VWA8: variants seen among roughly 807,000 people sequenced by gnomAD.
VWA8 encodes the protein von Willebrand factor A domain containing 8.
A neutral mutation model predicts 241.5 loss-of-function variants in VWA8; 221 were observed. The observed-to-expected ratio is 0.91, with a 90% CI of 0.82 to 1.02. VWA8 has a LOEUF of 1.02. Ranked by LOEUF, VWA8 falls within the 50% of genes least tolerant of loss-of-function variation. The pLI is 0.00. For missense variants in VWA8, 2,322 were observed against 2,328.7 expected (o/e 1.00, Z 0.06); for synonymous variants, 852 against 827.1 (o/e 1.03, Z -0.52).
At chr13:41,851,768 T>G (rs2138030419) in intron 12 of VWA8, among the ~76,000 whole-genome samples, 1 of 152,322 alleles carries the variant, frequency 6.6e-6, no homozygotes, top group East Asian at 1.9e-4. Context: ...CAGACGGGAT[T>G]TTCTGCTTTT....
intron 5 of VWA8, among the ~76,000 whole-genome samples, chr13:41,890,632 C>T (rs1416372652): frequency 1.3e-5 from 2 of 152,178 alleles, no homozygotes; most frequent in Non-Finnish European, 2.9e-5. Flanking sequence ...CTACCATGTG[C>T]CAGCCATTGA....
rs373771755 is a variant in VWA8, at chr13:41,838,740, T to C, written c.1426-5209A>G. Among the ~76,000 whole-genome samples, 4 of 151,886 alleles carry C rather than the reference T, an allele frequency of 2.6e-5. No individual in the cohort carries two copies. In the East Asian group the frequency reaches 7.7e-4, roughly 29 times the overall value. ...TAATATCCAACATAAAGAGTGACAC[T>C]AAAAAAAAGTTACAGGTGTTCCTGT... On this transcript the variant is annotated intron_variant, in intron 12 of 44. Coordinates refer to ENST00000379310, the MANE Select transcript of VWA8 (RefSeq NM_015058.2).
chr13:41,824,883 C>T (rs1367839582), intron 14 of VWA8, among the ~76,000 whole-genome samples: 2 of 141,046 alleles, frequency 1.4e-5, no homozygotes, highest in African/African-American at 5.3e-5. Flanking sequence ...GGAAGGGGAC[C>T]GGAGGGGAGG....
At position 41,881,800 on chromosome 13, in the gene VWA8, C is replaced by T. The variant is rs1405643007; in HGVS notation, c.1080+1587G>A. Among the ~76,000 whole-genome samples, 69 of 144,292 alleles carry T rather than the reference C, an allele frequency of 4.8e-4. 3 individuals are homozygous for T. The highest frequency in any genetic ancestry group is 1.6e-3 in the African/African-American group (64 of 38,830). 94.7% of individuals were successfully genotyped at this position (144,292 alleles called of 152,430 possible). A position where few individuals can be genotyped will look rare whatever the true frequency, so the allele number is the denominator to read the frequency against. On this transcript the variant is annotated intron_variant, in intron 9 of 44. Coordinates refer to ENST00000379310, the MANE Select transcript of VWA8 (RefSeq NM_015058.2). ...GGAGCTCCTCACTTCCCAGTAGGGG[C>T]GGCCGGGCAGAGGTGCCCCTCACCT...
At chr13:41,869,961 T>C (rs965568621) in intron 9 of VWA8, among the ~76,000 whole-genome samples, 1 of 152,154 alleles carries the variant, frequency 6.6e-6, no homozygotes, top group African/African-American at 2.4e-5. Context: ...CAGATCATCA[T>C]GTATTCAGCA....
At chr13:41,646,864 G>A (rs954075690) in intron 37 of VWA8, among the ~76,000 whole-genome samples, 1 of 152,180 alleles carries the variant, frequency 6.6e-6, no homozygotes, top group Non-Finnish European at 1.5e-5. Context: ...TCCTGAACAT[G>A]ATCTGCAGAC....
intron 28 of VWA8, 89 bp from the exon 29 acceptor site, chr13:41,699,359 A>G: frequency 8.2e-7 from 1 of 1,219,248 alleles, no homozygotes; most frequent in Non-Finnish European, 1.2e-6. Context: ...TCATGAATAC[A>G]CAGCTGGAAC....
chr13:41,825,557 T>C (rs1871141227), intron 14 of VWA8, among the ~76,000 whole-genome samples: 2 of 152,164 alleles, frequency 1.3e-5, no homozygotes, highest in African/African-American at 4.8e-5. Context: ...CTGCAAGTGA[T>C]ACCCCCCGAG....
At chr13:41,683,539 T>C (rs74050903) in intron 35 of VWA8, among the ~76,000 whole-genome samples, 8,609 of 152,250 alleles carry the variant, frequency 0.057, 285 homozygotes, top group East Asian at 0.13. Context: ...ACTGTTTGTG[T>C]CTGCCAAACT....
At position 41,841,844 on chromosome 13, in the gene VWA8, T is replaced by TATATATAA. The variant is rs1566478171; in HGVS notation, c.1426-8314_1426-8313insTTATATAT. On this transcript the variant is annotated intron_variant, in intron 12 of 44. Transcript: ENST00000379310. ...AAATATATATATATATATATATATA[T>TATATATAA]ATATATATATATATAAAAACAGTAG... 4.5e-5 allele frequency among the ~76,000 whole-genome samples: 4 copies of TATATATAA among 89,124 alleles called. No individual in the cohort carries two copies. In the East Asian group the frequency reaches 1.3e-3, roughly 29 times the overall value. 58.5% of individuals were successfully genotyped at this position (89,124 alleles called of 152,430 possible). A position where few individuals can be genotyped will look rare whatever the true frequency, so the allele number is the denominator to read the frequency against.
rs796358136 is a variant in VWA8, at chr13:41,679,494, A to G, written c.4328-4198T>C. Among the ~76,000 whole-genome samples the G allele has an allele frequency of 5.9e-5, 9 of 152,300 alleles. 1 individual carries two copies. Among genetic ancestry groups the G allele is most frequent in the African/African-American group, 2.2e-4 (9 of 41,562 alleles). On this transcript the variant is annotated intron_variant, in intron 35 of 44. Coordinates refer to ENST00000379310, the MANE Select transcript of VWA8 (RefSeq NM_015058.2). ...GATTTTACCCAAAGTTCAAAAAAACATTGTACTGCTTTCAATCAAGAATCA... is the reference window on the plus strand; with the variant it reads ...GATTTTACCCAAAGTTCAAAAAAACGTTGTACTGCTTTCAATCAAGAATCA...
In VWA8 at chr13:41,725,907, A is replaced by G. The variant is rs548098983; in HGVS notation, c.2758+1287T>C. ...TAAGGTATTATCTGCACATAATAAAAACTACAAAAATAGTATAACTGAGTA... is the reference window on the plus strand; with the variant it reads ...TAAGGTATTATCTGCACATAATAAAGACTACAAAAATAGTATAACTGAGTA... On this transcript the variant is annotated intron_variant, in intron 24 of 44. Transcript: ENST00000379310. Among the ~76,000 whole-genome samples, 22 of 152,290 alleles carry G rather than the reference A, an allele frequency of 1.4e-4. No individual in the cohort carries two copies. In the South Asian group the frequency reaches 2.1e-3, roughly 14 times the overall value.
At chr13:41,886,898 G>A (rs1593846052) in intron 6 of VWA8, 68 bp from the exon 7 acceptor site, 2 of 1,250,550 alleles carry the variant, frequency 1.6e-6, no homozygotes, top group Admixed American at 2.4e-5. Flanking sequence ...CAAATGTTTT[G>A]TAGATACAAT....
intron 37 of VWA8, among the ~76,000 whole-genome samples, chr13:41,663,826 G>A (rs1175086679): frequency 6.6e-6 from 1 of 150,850 alleles, no homozygotes. Flanking sequence ...TCTACTTTAC[G>A]ATGTAGAAAA....
At chr13:41,689,530 C>T in intron 33 of VWA8, 22 bp from the exon 34 acceptor site, 1 of 1,576,500 alleles carries the variant, frequency 6.3e-7, no homozygotes, top group East Asian at 2.3e-5. Flanking sequence ...AAACATTAGA[C>T]ACCATATGCT....
intron 2 of VWA8, among the ~76,000 whole-genome samples, chr13:41,934,277 A>G (rs9590648): frequency 0.015 from 2,264 of 152,162 alleles, 54 homozygotes; most frequent in African/African-American, 0.052. Context: ...ATACTACTAC[A>G]TAACTATTTT....
At chr13:41,661,139 C>A (rs1373728462) in intron 37 of VWA8, among the ~76,000 whole-genome samples, 1 of 152,186 alleles carries the variant, frequency 6.6e-6, no homozygotes, top group Non-Finnish European at 1.5e-5. Flanking sequence ...GCTGGGATTA[C>A]AAGTGTGAGC....
intron 37 of VWA8, among the ~76,000 whole-genome samples, chr13:41,642,615 T>A (rs2044803652): frequency 6.6e-6 from 1 of 151,456 alleles, no homozygotes; most frequent in Non-Finnish European, 1.5e-5. Context: ...TGCAGAATCT[T>A]TTGAATTTTG....
At chr13:41,610,412 T>A (rs2044579779) in intron 39 of VWA8, among the ~76,000 whole-genome samples, 1 of 152,186 alleles carries the variant, frequency 6.6e-6, no homozygotes, top group Non-Finnish European at 1.5e-5. Context: ...ACAGATAAAC[T>A]GTCAACAGTC....
Sources: gnomAD v4.1 joint callset for allele counts (sites outside exome capture counted in the v4.1 genomes callset) on GRCh38, gnomAD v4.1.1 for gene constraint, MANE v1.5 for transcripts, NCBI Gene and HGNC (gene_info 2026-07-23, HGNC 2026-07-21) for gene names.